Variants in EPB41L2 observed in about 807,000 individuals in gnomAD.
EPB41L2 encodes erythrocyte membrane protein band 4.1 like 2.
A neutral mutation model predicts 113.0 loss-of-function variants in EPB41L2; 43 were observed. That is an observed-to-expected ratio of 0.38 (90% CI 0.30 to 0.49). The LOEUF (loss-of-function observed/expected upper bound fraction) is 0.49, where lower values mean the gene tolerates loss of function less well. Among genes scored for constraint, EPB41L2 ranks in the 20% least tolerant of loss-of-function variants. The pLI is 0.95. For synonymous variants in EPB41L2, 442 were observed against 436.7 expected, an observed-to-expected ratio of 1.01 and a Z score of -0.15; for missense variants, 1,147 against 1,223.4, an observed-to-expected ratio of 0.94 and a Z score of 0.93.
intron 6 of EPB41L2, 126 bp from the exon 7 acceptor site, chr6:130,901,306 C>G (rs1796239753): frequency 1.4e-6 from 1 of 723,710 alleles, no homozygotes; most frequent in Non-Finnish European, 2.2e-6. Context: ...TTCATATAAA[C>G]AGCAAAAATC....
chr6:130,980,908 T>C (rs1445826168), intron 1 of EPB41L2, among the ~76,000 whole-genome samples: 1 of 152,194 alleles, frequency 6.6e-6, no homozygotes, highest in Non-Finnish European at 1.5e-5. Flanking sequence ...TCTGTTCAGC[T>C]TATCGGACAT....
At chr6:130,867,793 C>G (rs1784283573) in intron 15 of EPB41L2, 1 of 532,064 alleles carries the variant, frequency 1.9e-6, no homozygotes, top group South Asian at 2.1e-5. Flanking sequence ...TACATGTGCA[C>G]ATAGATACGT....
intron 3 of EPB41L2, among the ~76,000 whole-genome samples, chr6:130,950,029 T>C (rs564338085): frequency 8.5e-5 from 13 of 152,288 alleles, no homozygotes; most frequent in Admixed American, 7.9e-4. Flanking sequence ...AGTAGTTACA[T>C]GTGGGGGCAG....
At chr6:131,009,876 T>C (rs1185985242) in intron 1 of EPB41L2, among the ~76,000 whole-genome samples, 1 of 152,260 alleles carries the variant, frequency 6.6e-6, no homozygotes, top group East Asian at 1.9e-4. Context: ...AACTATGTTC[T>C]GCCACCGTAA....
rs1227705384 is a variant in EPB41L2 at position 130,867,431 on chromosome 6, G to T, written c.2730+28C>A. ...GATACACTAAGGGAAAAAAGAGCTC[G>T]AACAGTCCAAGTCTAGAGCTTTTGT... On this transcript the variant is annotated intron_variant, in intron 16 of 19. Transcript: ENST00000337057. The T allele has an allele frequency of 2.5e-6, 4 of 1,609,712 alleles. No individual in the cohort carries two copies. The East Asian group carries it at 8.9e-5, about 36-fold the overall frequency.
chr6:130,943,567 T>C (rs1811640671), intron 3 of EPB41L2, among the ~76,000 whole-genome samples: 1 of 152,248 alleles, frequency 6.6e-6, no homozygotes, highest in Admixed American at 6.5e-5. Context: ...GGACAGTTTC[T>C]TCAAAAGTAT....
At chr6:130,849,555 G>A (rs1778147837) in intron 19 of EPB41L2, among the ~76,000 whole-genome samples, 1 of 152,034 alleles carries the variant, frequency 6.6e-6, no homozygotes, top group African/African-American at 2.4e-5. Flanking sequence ...CCCATTAGTA[G>A]GGATTAAGTA....
At chr6:130,875,593 G>C (rs1787269223) in intron 14 of EPB41L2, among the ~76,000 whole-genome samples, 1 of 152,024 alleles carries the variant, frequency 6.6e-6, no homozygotes, top group African/African-American at 2.4e-5. Flanking sequence ...ATCTCCTCCT[G>C]ACCACAATGA....
intron 1 of EPB41L2, among the ~76,000 whole-genome samples, chr6:131,061,918 G>A (rs762643079): frequency 1.3e-5 from 2 of 152,142 alleles, no homozygotes; most frequent in Admixed American, 6.5e-5. Context: ...AGAGGAACAA[G>A]ACGCCTGGCA....
chr6:130,957,683 CA>C (rs60309706), intron 1 of EPB41L2, among the ~76,000 whole-genome samples: 1,754 of 145,982 alleles, frequency 0.012, 40 homozygotes, highest in African/African-American at 0.042. Flanking sequence ...TTGAATAAGT[CA>C]AAAAAAAAAG....
At chr6:130,957,723 A>G (rs1817932943) in intron 1 of EPB41L2, among the ~76,000 whole-genome samples, 1 of 152,198 alleles carries the variant, frequency 6.6e-6, no homozygotes, top group South Asian at 2.1e-4. Flanking sequence ...TTATTAAGAT[A>G]TAATTCATGT....
intron 1 of EPB41L2, among the ~76,000 whole-genome samples, chr6:130,967,750 A>T (rs1373130296): frequency 6.6e-6 from 1 of 152,232 alleles, no homozygotes. Context: ...TACTATATTC[A>T]TATGAAGAGG....
chr6:131,034,269 TG>T (rs568183035), intron 1 of EPB41L2, among the ~76,000 whole-genome samples: 92 of 152,070 alleles, frequency 6.0e-4, no homozygotes, highest in African/African-American at 2.1e-3. Flanking sequence ...TATTGGGGGT[TG>T]GGGGGGACAG....
At chr6:130,952,309 C>T (rs903832896) in intron 3 of EPB41L2, among the ~76,000 whole-genome samples, 1 of 128,136 alleles carries the variant, frequency 7.8e-6, no homozygotes, top group Non-Finnish European at 1.8e-5. Context: ...TAGGTATCTA[C>T]CCTGAAGAAA....
chr6:131,044,349 A>C lies in EPB41L2; in HGVS notation c.-15+18806T>G, dbSNP rs1342525980. ...CCAATAATGCTTTTTTGTTTAAAAA[A>C]AAATTGAAATAATGGAAATGGAAGT... On this transcript the variant is annotated intron_variant, in intron 1 of 19. Transcript: ENST00000337057. 3.3e-5 allele frequency among the ~76,000 whole-genome samples: 5 copies of C among 152,172 alleles called. No individual in the cohort carries two copies. The East Asian group carries it at 9.6e-4, about 29-fold the overall frequency.
At chr6:130,974,717 CTTTT>C (rs71030723) in intron 1 of EPB41L2, among the ~76,000 whole-genome samples, 1 of 64,642 alleles carries the variant, frequency 1.5e-5, no homozygotes, top group East Asian at 5.0e-4. Flanking sequence ...CTTTTCTTTT[CTTTT>C]TTTTTTTTTT....
chr6:130,883,449 A>G (rs1049071010), intron 12 of EPB41L2, among the ~76,000 whole-genome samples: 11 of 152,358 alleles, frequency 7.2e-5, no homozygotes, highest in African/African-American at 2.6e-4. Flanking sequence ...ATGAAACTCA[A>G]ACAGCATTAT....
chr6:130,935,525 G>A (rs1043091918), intron 3 of EPB41L2, among the ~76,000 whole-genome samples: 3 of 152,104 alleles, frequency 2.0e-5, no homozygotes, highest in Non-Finnish European at 2.9e-5. Flanking sequence ...TCATTTTTAT[G>A]CTATGTGGAA....
chr6:130,867,152 CACAA>C (rs1329127935), intron 16 of EPB41L2, among the ~76,000 whole-genome samples: 2 of 152,192 alleles, frequency 1.3e-5, no homozygotes, highest in African/African-American at 4.8e-5. Context: ...CCTAAGTGTA[CACAA>C]ACATTCTTAG....
Sources: allele counts gnomAD v4.1 joint callset (sites outside exome capture counted in the v4.1 genomes callset), GRCh38; gene constraint gnomAD v4.1.1; transcripts MANE v1.5; gene names NCBI Gene and HGNC (gene_info 2026-07-23, HGNC 2026-07-21).